IGF2BP3: variants seen among roughly 807,000 people sequenced by gnomAD.
IGF2BP3 encodes insulin-like growth factor 2 mRNA-binding protein 3.
Under a neutral mutation model 73.8 loss-of-function variants are expected in IGF2BP3, and 9 were observed. The ratio of observed to expected loss-of-function variants is 0.12; its 90% CI spans 0.07 to 0.21. IGF2BP3 has a LOEUF of 0.21. Among genes scored for constraint, IGF2BP3 ranks in the 10% least tolerant of loss-of-function variants. IGF2BP3 has a pLI of 1.00. For synonymous variants in IGF2BP3, 258 were observed against 256.7 expected (o/e 1.01, Z -0.05); for missense variants, 542 against 714.0 (o/e 0.76, Z 2.75).
At chr7:23,340,593 T>C (rs972536973) in intron 10 of IGF2BP3, among the ~76,000 whole-genome samples, 5 of 152,124 alleles carry the variant, frequency 3.3e-5, no homozygotes, top group Admixed American at 2.6e-4. Flanking sequence ...AAAATATTAA[T>C]ATTAAGTAAG....
chr7:23,368,741 T>C (rs911434150), intron 3 of IGF2BP3, among the ~76,000 whole-genome samples: 1 of 151,894 alleles, frequency 6.6e-6, no homozygotes, highest in South Asian at 2.1e-4. Context: ...CTACTAAAAA[T>C]ACAAAATTAG....
At chr7:23,336,581 T>C (rs1461534302) in intron 10 of IGF2BP3, among the ~76,000 whole-genome samples, 2 of 152,034 alleles carry the variant, frequency 1.3e-5, no homozygotes, top group East Asian at 1.9e-4. Context: ...TCTCGGCTCA[T>C]TGCAACCTCC....
chr7:23,418,719 A>G (rs1451298923), intron 3 of IGF2BP3, 57 bp downstream of exon 3: 8 of 1,147,474 alleles, frequency 7.0e-6, no homozygotes, highest in Admixed American at 2.2e-5. Flanking sequence ...CTTTGAAAAA[A>G]CTAACAGCAA....
At chr7:23,322,007 A>T (rs1401709335) in intron 10 of IGF2BP3, among the ~76,000 whole-genome samples, 4 of 152,240 alleles carry the variant, frequency 2.6e-5, no homozygotes, top group Non-Finnish European at 5.9e-5. Flanking sequence ...ACTCTTAAAA[A>T]GCAGAGTGCC....
At chr7:23,323,209 A>G (rs1352878149) in intron 10 of IGF2BP3, among the ~76,000 whole-genome samples, 1 of 151,952 alleles carries the variant, frequency 6.6e-6, no homozygotes, top group Non-Finnish European at 1.5e-5. Context: ...GGCTCAAAAT[A>G]AAAGGATGGA....
At chr7:23,339,062 G>A (rs367778845) in intron 10 of IGF2BP3, among the ~76,000 whole-genome samples, 1 of 152,176 alleles carries the variant, frequency 6.6e-6, no homozygotes, top group Non-Finnish European at 1.5e-5. Context: ...GAAACCACCA[G>A]ACTGTTACAT....
intron 3 of IGF2BP3, among the ~76,000 whole-genome samples, chr7:23,375,290 AC>A (rs1215763779): frequency 2.0e-5 from 3 of 151,946 alleles, no homozygotes; most frequent in Admixed American, 2.0e-4. Context: ...GTAAATGCAA[AC>A]CTTTGGAACT....
chr7:23,378,545 A>G (rs926057601), intron 3 of IGF2BP3, among the ~76,000 whole-genome samples: 1 of 143,896 alleles, frequency 6.9e-6, no homozygotes, highest in Non-Finnish European at 1.5e-5. Flanking sequence ...GGCGTGCACC[A>G]CCATGCCAGG....
intron 3 of IGF2BP3, chr7:23,362,630 G>A (rs1002088475): frequency 5.3e-5 from 8 of 152,296 alleles, no homozygotes; most frequent in East Asian, 3.8e-4. Context: ...GCAGATGTAC[G>A]TCTCATCAAT....
At chr7:23,467,533 G>T (rs1172358348) in intron 2 of IGF2BP3, among the ~76,000 whole-genome samples, 1 of 152,232 alleles carries the variant, frequency 6.6e-6, no homozygotes, top group African/African-American at 2.4e-5. Flanking sequence ...GGAGGGAGCA[G>T]TGCCTTTCCA....
At chr7:23,381,407 T>G (rs1162536587) in intron 3 of IGF2BP3, among the ~76,000 whole-genome samples, 1 of 152,140 alleles carries the variant, frequency 6.6e-6, no homozygotes, top group Non-Finnish European at 1.5e-5. Context: ...GTCACCACCT[T>G]GTAAGGAAAA....
intron 2 of IGF2BP3, among the ~76,000 whole-genome samples, chr7:23,449,221 A>G (rs1296262745): frequency 2.0e-5 from 3 of 152,106 alleles, no homozygotes; most frequent in Admixed American, 6.6e-5. Context: ...CATATTCACC[A>G]GAATACCTGA....
At chr7:23,440,269 C>CAAA (rs35841355) in intron 2 of IGF2BP3, among the ~76,000 whole-genome samples, 2 of 107,616 alleles carry the variant, frequency 1.9e-5, no homozygotes, top group African/African-American at 7.2e-5. Flanking sequence ...TTAGTTATTT[C>CAAA]AAAAAAAAAA....
At chr7:23,443,353 G>A (rs1030772031) in intron 2 of IGF2BP3, among the ~76,000 whole-genome samples, 2 of 151,958 alleles carry the variant, frequency 1.3e-5, no homozygotes, top group African/African-American at 4.8e-5. Flanking sequence ...TCGAACTCCC[G>A]ACCTCAGGTG....
At chr7:23,439,016 T>C (rs907910995) in intron 2 of IGF2BP3, among the ~76,000 whole-genome samples, 1 of 151,432 alleles carries the variant, frequency 6.6e-6, no homozygotes, top group Non-Finnish European at 1.5e-5. Flanking sequence ...GAGGCTGAAG[T>C]AGAATCACTT....
chr7:23,440,751 C>T (rs186198756), intron 2 of IGF2BP3, among the ~76,000 whole-genome samples: 2 of 152,276 alleles, frequency 1.3e-5, no homozygotes, highest in Admixed American at 1.3e-4. Context: ...TTTATTTTTA[C>T]GCAGGCTCTA....
chr7:23,325,276 T>C (rs1784262854), intron 10 of IGF2BP3, among the ~76,000 whole-genome samples: 2 of 151,966 alleles, frequency 1.3e-5, no homozygotes, highest in Non-Finnish European at 1.5e-5. Flanking sequence ...TATACATCAA[T>C]AACAGACAAA....
intron 2 of IGF2BP3, among the ~76,000 whole-genome samples, chr7:23,442,829 T>C (rs1787968151): frequency 6.6e-6 from 1 of 152,294 alleles, no homozygotes; most frequent in South Asian, 2.1e-4. Context: ...GTTTTGATGT[T>C]ATTTTACTAA....
chr7:23,387,325 A>T (rs938486753), intron 3 of IGF2BP3, among the ~76,000 whole-genome samples: 3 of 152,044 alleles, frequency 2.0e-5, no homozygotes, highest in Non-Finnish European at 4.4e-5. Context: ...GATCATCAAT[A>T]AGAAGGAGAG....
Sources: allele counts gnomAD v4.1 joint callset (sites outside exome capture counted in the v4.1 genomes callset), GRCh38; gene constraint gnomAD v4.1.1; transcripts MANE v1.5; gene names NCBI Gene and HGNC (gene_info 2026-07-23, HGNC 2026-07-21).